Variants in OAF observed in about 807,000 individuals in gnomAD.
The protein encoded by OAF is out at first protein homolog.
Under a neutral mutation model 22.5 loss-of-function variants are expected in OAF, and 13 were observed. The ratio of observed to expected loss-of-function variants is 0.58; its 90% CI spans 0.38 to 0.92. The LOEUF (loss-of-function observed/expected upper bound fraction) is 0.92, where lower values mean the gene tolerates loss of function less well. Among genes scored for constraint, OAF ranks in the 40% least tolerant of loss-of-function variants. OAF has a pLI of 0.00. For synonymous variants in OAF, 175 were observed against 170.5 expected (o/e 1.03, Z -0.21); for missense variants, 347 against 381.8 (o/e 0.91, Z 0.76).
intron 3 of OAF, 47 bp from the exon 4 acceptor site, chr11:120,228,821 T>TTCCAG: frequency 1.9e-6 from 1 of 520,278 alleles, no homozygotes; most frequent in Non-Finnish European, 3.6e-6. Context: ...GGGAGCTCCT[T>TTCCAG]CCCTCCCTCC....
At chr11:120,225,019 G>C (rs1242280837) in intron 1 of OAF, among the ~76,000 whole-genome samples, 1 of 152,136 alleles carries the variant, frequency 6.6e-6, no homozygotes, top group Non-Finnish European at 1.5e-5. Flanking sequence ...TGCCATTAGC[G>C]ACCCCATGGG....
intron 1 of OAF, among the ~76,000 whole-genome samples, chr11:120,219,901 G>A (rs939241368): frequency 3.3e-5 from 5 of 152,222 alleles, no homozygotes; most frequent in African/African-American, 4.8e-5. Flanking sequence ...AGGCAAGGCC[G>A]AGAAGAAAGA....
In OAF at chr11:120,229,215, C is replaced by A; in HGVS notation, c.*73C>A. 1.4e-6 allele frequency: 2 copies of A among 1,404,632 alleles called. No homozygotes were observed. Among genetic ancestry groups the A allele is most frequent in the Non-Finnish European group, 2.0e-6 (2 of 1,011,006 alleles). 87.0% of individuals were successfully genotyped at this position (1,404,632 alleles called of 1,614,324 possible). A position where few individuals can be genotyped will look rare whatever the true frequency, so the allele number is the denominator to read the frequency against. On this transcript the variant is annotated 3_prime_UTR_variant, in exon 4 of 4. Coordinates refer to ENST00000328965, the MANE Select transcript of OAF (RefSeq NM_178507.4). ...CCAGCCACTAGAGGGGGTGGCAACCCCCACCTGAGGCCTTATTTCCCTCCC... is the reference window on the plus strand; with the variant it reads ...CCAGCCACTAGAGGGGGTGGCAACCACCACCTGAGGCCTTATTTCCCTCCC...
Position 120,229,246 on chromosome 11 carries a change from A to C in OAF, c.*104A>C, listed in dbSNP as rs1591361828. ...TGAGGCCTTATTTCCCTCCCTCCCC[A>C]CTCCCCTGGCCCTAGAGCCTGGGCC... is the stretch of plus-strand genomic sequence containing the variant. On this transcript the variant is annotated 3_prime_UTR_variant, in exon 4 of 4. Coordinates refer to ENST00000328965, the MANE Select transcript of OAF (RefSeq NM_178507.4). The C allele has an allele frequency of 2.9e-6, 3 of 1,047,390 alleles. No homozygotes were observed. Among genetic ancestry groups the C allele is most frequent in the East Asian group, 2.5e-5 (1 of 39,646 alleles). 64.9% of individuals were successfully genotyped at this position (1,047,390 alleles called of 1,614,324 possible). A position where few individuals can be genotyped will look rare whatever the true frequency, so the allele number is the denominator to read the frequency against.
chr11:120,212,811 G>A (rs184594343), intron 1 of OAF, among the ~76,000 whole-genome samples: 2 of 145,644 alleles, frequency 1.4e-5, no homozygotes, highest in African/African-American at 5.0e-5. Flanking sequence ...ACTGACATTG[G>A]ACATAAGCAG....
chr11:120,222,574 A>AT (rs1938294176), intron 1 of OAF, among the ~76,000 whole-genome samples: 1 of 151,382 alleles, frequency 6.6e-6, no homozygotes, highest in Admixed American at 6.6e-5. Context: ...AAAAAAAAAA[A>AT]CAACCATGCA....
chr11:120,212,630 C>T (rs1173615821), intron 1 of OAF, among the ~76,000 whole-genome samples: 3 of 151,064 alleles, frequency 2.0e-5, no homozygotes, highest in African/African-American at 2.4e-5. Context: ...TTTCCTCCCT[C>T]GTAGAGACAG....
At chr11:120,220,898 G>A (rs113811577) in intron 1 of OAF, among the ~76,000 whole-genome samples, 23 of 152,302 alleles carry the variant, frequency 1.5e-4, no homozygotes, top group South Asian at 6.2e-4. Context: ...AAGGGCATTC[G>A]GCCACTCGGG....
chr11:120,222,996 T>C (rs768834058), intron 1 of OAF, among the ~76,000 whole-genome samples: 1 of 152,170 alleles, frequency 6.6e-6, no homozygotes, highest in Non-Finnish European at 1.5e-5. Context: ...CCTCCTCTTC[T>C]CTTATTTGTG....
At chr11:120,224,620 G>T (rs1460689886) in intron 1 of OAF, among the ~76,000 whole-genome samples, 1 of 152,172 alleles carries the variant, frequency 6.6e-6, no homozygotes, top group Admixed American at 6.5e-5. Context: ...TGTGGTGGGG[G>T]GAGCTGGGGC....
At chr11:120,226,447 G>A (rs1416709816) in intron 2 of OAF, among the ~76,000 whole-genome samples, 1 of 152,224 alleles carries the variant, frequency 6.6e-6, no homozygotes, top group Admixed American at 6.5e-5. Flanking sequence ...CTTTCCCAAA[G>A]GGACTTGGTT....
At chr11:120,228,821 T>TGCCAACCCAACC in intron 3 of OAF, 47 bp from the exon 4 acceptor site, 1 of 520,280 alleles carries the variant, frequency 1.9e-6, no homozygotes. Context: ...GGGAGCTCCT[T>TGCCAACCCAACC]CCCTCCCTCC....
At position 120,229,168 on chromosome 11, in the gene OAF, G is replaced by A. The variant is rs370834488; in HGVS notation, c.*26G>A. On this transcript the variant is annotated 3_prime_UTR_variant, in exon 4 of 4. Transcript: ENST00000328965. ...GGTGGGAGCAACCTGGCGGGTGGCT[G>A]CTCTGGGCCCACTGCTCTTCACCAG... The A allele has an allele frequency of 1.4e-5, 23 of 1,597,644 alleles. No homozygotes were observed. Among genetic ancestry groups the A allele is most frequent in the Non-Finnish European group, 1.8e-5 (21 of 1,170,062 alleles).
In OAF at chr11:120,229,894, A is replaced by G. The variant is rs1938415345; in HGVS notation, c.*752A>G. 1 of 152,578 alleles carries G rather than the reference A, an allele frequency of 6.6e-6. No individual in the cohort carries two copies. Among genetic ancestry groups the G allele is most frequent in the South Asian group, 2.1e-4 (1 of 4,828 alleles). 9.5% of individuals were successfully genotyped at this position (152,578 alleles called of 1,614,324 possible). A position where few individuals can be genotyped will look rare whatever the true frequency, so the allele number is the denominator to read the frequency against. Reference sequence around the variant, plus strand: ...CTTGAATTCCAGATTTTTAGTGCAAAGTATTTATCATTTCTACCAGAAATA... The same window carrying G: ...CTTGAATTCCAGATTTTTAGTGCAAGGTATTTATCATTTCTACCAGAAATA... On this transcript the variant is annotated 3_prime_UTR_variant, in exon 4 of 4. Transcript: ENST00000328965.
intron 1 of OAF, among the ~76,000 whole-genome samples, chr11:120,212,933 A>G (rs1241479611): frequency 2.7e-5 from 4 of 150,802 alleles, no homozygotes; most frequent in African/African-American, 9.7e-5. Flanking sequence ...CCCTAGGAGA[A>G]TTTTATCAAG....
rs1473983635 is a variant in OAF, at chr11:120,229,593, A to C, written c.*451A>C. ...GGAGCTGGCCCCTCAGTCCCTTCCT[A>C]CTCCCCAACAAGGGGCTCACTATCC... On this transcript the variant is annotated 3_prime_UTR_variant, in exon 4 of 4. Transcript: ENST00000328965. 6.0e-6 allele frequency: 1 copy of C among 166,430 alleles called. No homozygotes were observed. Among genetic ancestry groups the C allele is most frequent in the Non-Finnish European group, 1.3e-5 (1 of 74,930 alleles). The allele number at this position is 166,430 out of a possible 1,614,324, so 10.3% of individuals were successfully genotyped here.
intron 1 of OAF, among the ~76,000 whole-genome samples, chr11:120,214,762 G>A (rs1166233073): frequency 2.6e-5 from 4 of 152,214 alleles, no homozygotes; most frequent in Non-Finnish European, 4.4e-5. Flanking sequence ...AGTCACAGTC[G>A]TCAACCCACT....
chr11:120,225,003 C>T (rs540109731), intron 1 of OAF, among the ~76,000 whole-genome samples: 8 of 152,230 alleles, frequency 5.3e-5, no homozygotes, highest in East Asian at 1.9e-4. Context: ...CCTTGGACTG[C>T]GGCAATGCCA....
chr11:120,213,617 C>G (rs1240793852), intron 1 of OAF: 1 of 152,378 alleles, frequency 6.6e-6, no homozygotes, highest in Non-Finnish European at 1.5e-5. Context: ...TAGCCTTACC[C>G]TCACCCAGGC....
Sources: gnomAD v4.1 joint callset for allele counts (sites outside exome capture counted in the v4.1 genomes callset) on GRCh38, gnomAD v4.1.1 for gene constraint, MANE v1.5 for transcripts, NCBI Gene and HGNC (gene_info 2026-07-23, HGNC 2026-07-21) for gene names.